RIN3: variants seen among roughly 807,000 people sequenced by gnomAD.
RIN3 encodes RAB5 interacting protein 3.
Under a neutral mutation model 76.3 loss-of-function variants are expected in RIN3, and 54 were observed. That is an observed-to-expected ratio of 0.71 (90% CI 0.57 to 0.89). The LOEUF (loss-of-function observed/expected upper bound fraction) is 0.89, where lower values mean the gene tolerates loss of function less well. Among genes scored for constraint, RIN3 ranks in the 40% least tolerant of loss-of-function variants. The pLI, the probability that RIN3 is intolerant of heterozygous loss-of-function variation, is 0.00. For synonymous variants in RIN3, 576 were observed against 564.0 expected, an observed-to-expected ratio of 1.02 and a Z score of -0.30; for missense variants, 1,256 against 1,322.1, an observed-to-expected ratio of 0.95 and a Z score of 0.78.
intron 8 of RIN3, among the ~76,000 whole-genome samples, chr14:92,680,469 G>A (rs1190313192): frequency 6.6e-6 from 1 of 152,128 alleles, no homozygotes; most frequent in East Asian, 1.9e-4. Flanking sequence ...CAAAGTGCTA[G>A]GATTACAGGT....
intron 1 of RIN3, among the ~76,000 whole-genome samples, chr14:92,531,167 G>T (rs560969145): frequency 2.6e-5 from 4 of 152,170 alleles, no homozygotes; most frequent in Non-Finnish European, 4.4e-5. Context: ...ACAAACAGTG[G>T]CTCTGGAGGC....
At chr14:92,613,308 G>A (rs969673396) in intron 3 of RIN3, among the ~76,000 whole-genome samples, 12 of 152,120 alleles carry the variant, frequency 7.9e-5, no homozygotes, top group Non-Finnish European at 7.4e-5. Context: ...GACGCTCGGG[G>A]CATCCTGTGA....
chr14:92,566,639 G>A (rs1408634444), intron 2 of RIN3, among the ~76,000 whole-genome samples: 2 of 152,176 alleles, frequency 1.3e-5, no homozygotes, highest in African/African-American at 4.8e-5. Context: ...AACTCAGTAA[G>A]TATCATAGGC....
intron 7 of RIN3, among the ~76,000 whole-genome samples, chr14:92,665,114 C>G (rs1888040292): frequency 6.6e-6 from 1 of 152,204 alleles, no homozygotes; most frequent in Non-Finnish European, 1.5e-5. Context: ...ATGGCACAGC[C>G]TACTATACAC....
chr14:92,620,603 TA>T (rs1201187219), intron 4 of RIN3, among the ~76,000 whole-genome samples: 2 of 151,876 alleles, frequency 1.3e-5, no homozygotes, highest in Admixed American at 6.6e-5. Flanking sequence ...CACTAGGAAC[TA>T]AAAAAAATCA....
intron 2 of RIN3, among the ~76,000 whole-genome samples, chr14:92,563,102 G>A (rs1897819643): frequency 6.6e-6 from 1 of 152,166 alleles, no homozygotes; most frequent in Admixed American, 6.5e-5. Context: ...ACTCCTGCCT[G>A]GAATCCCAGC....
intron 7 of RIN3, among the ~76,000 whole-genome samples, chr14:92,668,151 A>C (rs890428191): frequency 6.6e-6 from 1 of 152,202 alleles, no homozygotes; most frequent in African/African-American, 2.4e-5. Flanking sequence ...CAGCTGAGGA[A>C]ACTAAGGCTC....
chr14:92,572,284 A>G (rs1898080358), intron 2 of RIN3, among the ~76,000 whole-genome samples: 1 of 152,234 alleles, frequency 6.6e-6, no homozygotes, highest in South Asian at 2.1e-4. Flanking sequence ...AGTTGTGCGC[A>G]TACTCATTTG....
intron 4 of RIN3, among the ~76,000 whole-genome samples, chr14:92,631,713 G>A (rs143597260): frequency 0.01 from 1,538 of 152,098 alleles, 11 homozygotes; most frequent in African/African-American, 0.021. Context: ...CGATTCTCCC[G>A]CCTCAGCCTC....
chr14:92,683,812 A>G (rs1022432157), intron 8 of RIN3, among the ~76,000 whole-genome samples: 2 of 152,250 alleles, frequency 1.3e-5, no homozygotes, highest in African/African-American at 2.4e-5. Context: ...TAGTATAACC[A>G]TAATTAAAAT....
chr14:92,612,416 C>G (rs1181698370), intron 3 of RIN3, among the ~76,000 whole-genome samples: 1 of 152,192 alleles, frequency 6.6e-6, no homozygotes, highest in Non-Finnish European at 1.5e-5. Flanking sequence ...GTTGGGACTT[C>G]CTCAAGTCCA....
intron 1 of RIN3, among the ~76,000 whole-genome samples, chr14:92,524,149 A>C (rs1566826376): frequency 6.6e-6 from 1 of 152,208 alleles, no homozygotes; most frequent in Non-Finnish European, 1.5e-5. Context: ...AGCTGTGATC[A>C]CACCACTGCA....
intron 4 of RIN3, among the ~76,000 whole-genome samples, chr14:92,628,899 C>T (rs1886453817): frequency 1.3e-5 from 2 of 151,906 alleles, no homozygotes; most frequent in Non-Finnish European, 2.9e-5. Context: ...CAATTATCCT[C>T]AACTTCCAAG....
chr14:92,576,908 G>A (rs1476146621), intron 2 of RIN3, among the ~76,000 whole-genome samples: 1 of 152,140 alleles, frequency 6.6e-6, no homozygotes, highest in East Asian at 1.9e-4. Flanking sequence ...GCCTCCCCCA[G>A]AGTGTACGTG....
At chr14:92,653,256 C>G (rs1887541680) in intron 6 of RIN3, among the ~76,000 whole-genome samples, 181 bp downstream of exon 6, 1 of 152,072 alleles carries the variant, frequency 6.6e-6, no homozygotes, top group African/African-American at 2.4e-5. Flanking sequence ...GTGCCCGGCT[C>G]CCCCCCTTCC....
intron 1 of RIN3, chr14:92,515,077 C>T (rs1178807003): frequency 1.0e-5 from 6 of 575,652 alleles, no homozygotes; most frequent in Non-Finnish European, 1.9e-5. Context: ...GACTGGCTCT[C>T]ACTCAGCTGG....
chr14:92,588,659 C>G (rs759712972), intron 3 of RIN3, among the ~76,000 whole-genome samples: 35 of 152,202 alleles, frequency 2.3e-4, no homozygotes, highest in Non-Finnish European at 3.8e-4. Context: ...TAGGTTTCAT[C>G]ATAGGAATTT....
intron 8 of RIN3, among the ~76,000 whole-genome samples, chr14:92,678,073 C>G (rs1051133488): frequency 6.7e-6 from 1 of 150,044 alleles, no homozygotes; most frequent in Non-Finnish European, 1.5e-5. Flanking sequence ...CATCCATTAA[C>G]CCATCCACCC....
chr14:92,605,180 G>A (rs918473020), intron 3 of RIN3, among the ~76,000 whole-genome samples: 64 of 152,016 alleles, frequency 4.2e-4, no homozygotes, highest in African/African-American at 1.5e-3. Context: ...CAAAGTGCTA[G>A]GATTACAGGC....
Sources: gnomAD v4.1 joint callset for allele counts (sites outside exome capture counted in the v4.1 genomes callset) on GRCh38, gnomAD v4.1.1 for gene constraint, MANE v1.5 for transcripts, NCBI Gene and HGNC (gene_info 2026-07-23, HGNC 2026-07-21) for gene names.